The following DIP2C variants were observed in gnomAD, a reference collection of about 807,000 sequenced individuals.
The protein encoded by DIP2C is DIP2 acetate--CoA ligase C (putative).
In DIP2C, 33 loss-of-function variants were observed where a neutral mutation model predicts 192.4. That is an observed-to-expected ratio of 0.17 (90% confidence interval 0.13 to 0.23). DIP2C has a LOEUF of 0.23. Among genes scored for constraint, DIP2C ranks in the 10% least tolerant of loss-of-function variants. The pLI, the probability that DIP2C is intolerant of heterozygous loss-of-function variation, is 1.00. For synonymous variants in DIP2C, 979 were observed against 864.1 expected (o/e 1.13, Z -2.33); for missense variants, 1,537 against 2,110.1 (o/e 0.73, Z 5.32).
intron 1 of DIP2C, among the ~76,000 whole-genome samples, chr10:520,025 A>G (rs1306798673): frequency 6.6e-6 from 1 of 152,234 alleles, no homozygotes; most frequent in African/African-American, 2.4e-5. Flanking sequence ...TTCTCCCCAG[A>G]GCCAACGGAG....
intron 18 of DIP2C, among the ~76,000 whole-genome samples, chr10:366,838 GT>G (rs1960281079): frequency 6.6e-6 from 1 of 152,108 alleles, no homozygotes; most frequent in African/African-American, 2.4e-5. Context: ...TCCGTGCAAG[GT>G]GAGCCCTTCC....
chr10:410,965 C>T (rs544947599), intron 8 of DIP2C, among the ~76,000 whole-genome samples: 3 of 152,140 alleles, frequency 2.0e-5, no homozygotes, highest in Non-Finnish European at 4.4e-5. Context: ...TGTAATTTCG[C>T]TTGGCTTTGA....
chr10:556,244 C>T (rs1416308813), intron 1 of DIP2C, among the ~76,000 whole-genome samples: 6 of 57,746 alleles, frequency 1.0e-4, no homozygotes, highest in African/African-American at 2.1e-4. Flanking sequence ...ACCCACCCCT[C>T]CCACAGCCGG....
At chr10:414,848 ATATT>A (rs1188831215) in intron 7 of DIP2C, among the ~76,000 whole-genome samples, 5 of 109,134 alleles carry the variant, frequency 4.6e-5, no homozygotes, top group African/African-American at 1.9e-4. Flanking sequence ...ACACACATAT[ATATT>A]TGTGTGTGTG....
intron 29 of DIP2C, among the ~76,000 whole-genome samples, chr10:335,166 C>T (rs1044438332): frequency 1.3e-5 from 2 of 152,156 alleles, no homozygotes; most frequent in Non-Finnish European, 2.9e-5. Flanking sequence ...GATAAACAAT[C>T]CTCTATGACA....
rs539938300 is a variant in DIP2C, at chr10:366,259, A to G, written c.2268+16T>C. ...AGCCACAGATGGTGCCCATGGTAAG[A>G]CTCTCCTCCACCTACCTCAAAGGTG... On this transcript the variant is annotated intron_variant, in intron 19 of 36. Transcript: ENST00000280886. 3.5e-5 allele frequency: 56 copies of G among 1,610,984 alleles called. No individual in the cohort carries two copies. The Middle Eastern group carries it at 5.0e-4, about 14-fold the overall frequency.
rs1433341967 is a variant in DIP2C at position 462,736 on chromosome 10, G to A, written c.268+9703C>T. Among the ~76,000 whole-genome samples, 3 of 152,130 alleles carry A rather than the reference G, an allele frequency of 2.0e-5. No homozygotes were observed. The East Asian group carries it at 5.8e-4, about 29-fold the overall frequency. ...CACACAACAAAAAAAGAAAATGTCA[G>A]GCCGATATCCCTGATGAACATCAAT... On this transcript the variant is annotated intron_variant, in intron 3 of 36. Transcript: ENST00000280886.
At chr10:493,697 G>A (rs1844616336) in intron 1 of DIP2C, among the ~76,000 whole-genome samples, 1 of 152,228 alleles carries the variant, frequency 6.6e-6, no homozygotes, top group Non-Finnish European at 1.5e-5. Flanking sequence ...GGGAACATGA[G>A]CATGAGGACA....
chr10:528,883 G>C lies in DIP2C; in HGVS notation c.86-42353C>G, dbSNP rs1449510703. On this transcript the variant is annotated intron_variant, in intron 1 of 36. Transcript: ENST00000280886. The stretch of plus-strand genomic sequence containing the variant: ...ACTCAGCAGCTCTCCTCTCACTGTG[G>C]AACTTCCTAGGTCCCCACATGAACA... Among the ~76,000 whole-genome samples the C allele has an allele frequency of 3.3e-5, 5 of 152,142 alleles. No homozygotes were observed. In the East Asian group the frequency reaches 5.8e-4, roughly 18 times the overall value.
intron 6 of DIP2C, 41 bp downstream of exon 6, chr10:419,024 C>G: frequency 6.2e-7 from 1 of 1,613,606 alleles, no homozygotes; most frequent in Non-Finnish European, 8.5e-7. Context: ...TCAGCACAAA[C>G]CGTTTACCAG....
chr10:596,526 A>AAAAAAAAAAAAAAAAG (rs1851715336), intron 1 of DIP2C, among the ~76,000 whole-genome samples: 1 of 144,530 alleles, frequency 6.9e-6, no homozygotes, highest in African/African-American at 2.6e-5. Context: ...AAAAAAAAAA[A>AAAAAAAAAAAAAAAAG]GTATTAAGTT....
intron 1 of DIP2C, among the ~76,000 whole-genome samples, chr10:541,333 G>A (rs1424865973): frequency 1.3e-5 from 2 of 152,114 alleles, no homozygotes; most frequent in South Asian, 2.1e-4. Flanking sequence ...AGGTCCAGCT[G>A]CTCAGCCAAA....
At chr10:537,692 G>C (rs924873644) in intron 1 of DIP2C, among the ~76,000 whole-genome samples, 3 of 152,300 alleles carry the variant, frequency 2.0e-5, no homozygotes, top group Admixed American at 2.0e-4. Flanking sequence ...ACGAGACACA[G>C]GCTGGTAAGT....
chr10:525,236 C>T (rs751176776), intron 1 of DIP2C, among the ~76,000 whole-genome samples: 32 of 152,186 alleles, frequency 2.1e-4, no homozygotes, highest in Non-Finnish European at 4.3e-4. Flanking sequence ...TCTAAAGCTC[C>T]TAACGCCTCA....
intron 1 of DIP2C, among the ~76,000 whole-genome samples, chr10:583,088 T>G (rs1385189744): frequency 1.3e-5 from 2 of 152,334 alleles, no homozygotes; most frequent in East Asian, 3.9e-4. Context: ...TTTGCAAGAA[T>G]CAGTGACTAC....
intron 1 of DIP2C, among the ~76,000 whole-genome samples, chr10:599,627 G>A (rs916360007): frequency 5.3e-5 from 8 of 152,274 alleles, no homozygotes; most frequent in African/African-American, 1.7e-4. Context: ...AGGCTGGAGG[G>A]ACCTTCCAGG....
chr10:472,292 G>T, intron 3 of DIP2C, 147 bp downstream of exon 3: 1 of 611,986 alleles, frequency 1.6e-6, no homozygotes, highest in Non-Finnish European at 2.8e-6. Context: ...TCTCCCGAGA[G>T]GGTGTGTCCG....
At position 345,292 on chromosome 10, in the gene DIP2C, C is replaced by T. The variant is rs539856032; in HGVS notation, c.3232-182G>A. The T allele has an allele frequency of 2.5e-4, 175 of 706,954 alleles. 3 individuals carry two copies. The highest frequency in any genetic ancestry group is 1.8e-3 in the Middle Eastern group (6 of 3,374). The allele number at this position is 706,954 out of a possible 1,614,324, so 43.8% of individuals were successfully genotyped here. A position where few individuals can be genotyped will look rare whatever the true frequency, so the allele number is the denominator to read the frequency against. On this transcript the variant is annotated intron_variant, in intron 26 of 36. Transcript: ENST00000280886. ...AGCTAGGAGTCTAGTTGTGGAGGCA[C>T]GGGGGCAGGGCATGCGGCCTGAAGC...
chr10:521,473 C>T (rs1005850961), intron 1 of DIP2C, among the ~76,000 whole-genome samples: 2 of 152,212 alleles, frequency 1.3e-5, no homozygotes, highest in Non-Finnish European at 2.9e-5. Context: ...GTCTCGCTTC[C>T]TCTCTGCCCC....
Sources: allele counts gnomAD v4.1 joint callset (sites outside exome capture counted in the v4.1 genomes callset), GRCh38; gene constraint gnomAD v4.1.1; transcripts MANE v1.5; gene names NCBI Gene and HGNC (gene_info 2026-07-23, HGNC 2026-07-21).